Variants in NELL2 observed in about 807,000 individuals in gnomAD.
NELL2 encodes the protein neural EGFL like 2.
A neutral mutation model predicts 109.6 loss-of-function variants in NELL2; 41 were observed. The observed-to-expected ratio is 0.37, with a 90% confidence interval of 0.29 to 0.49. The LOEUF (loss-of-function observed/expected upper bound fraction) is 0.49, where lower values mean the gene tolerates loss of function less well. NELL2 is among the 20% of genes least tolerant of loss of function. The probability of loss-of-function intolerance (pLI) is 0.98; values close to 1 mark genes in which losing one functional copy is unlikely to be tolerated. For missense variants in NELL2, 900 were observed against 1,008.3 expected (o/e 0.89, Z 1.45); for synonymous variants, 355 against 344.7 (o/e 1.03, Z -0.33).
At chr12:44,687,075 C>A (rs1383794293) in intron 12 of NELL2, among the ~76,000 whole-genome samples, 3 of 152,184 alleles carry the variant, frequency 2.0e-5, no homozygotes, top group African/African-American at 7.2e-5. Flanking sequence ...GGCATAGGAC[C>A]CTCCGAGCCA....
intron 9 of NELL2, among the ~76,000 whole-genome samples, chr12:44,736,201 G>C (rs577780149): frequency 3.3e-5 from 5 of 151,616 alleles, no homozygotes; most frequent in African/African-American, 4.9e-5. Context: ...AGTAGAGACG[G>C]GGTTTCACCG....
intron 15 of NELL2, among the ~76,000 whole-genome samples, chr12:44,588,462 C>A (rs907185374): frequency 3.3e-5 from 5 of 151,884 alleles, no homozygotes; most frequent in Admixed American, 3.3e-4. Context: ...AAATGACGTC[C>A]ACTGGCTTAG....
chr12:44,518,201 T>C (rs147260792), intron 19 of NELL2, among the ~76,000 whole-genome samples: 2 of 152,078 alleles, frequency 1.3e-5, no homozygotes, highest in African/African-American at 4.8e-5. Flanking sequence ...TGAGAGATTA[T>C]AGTAGTTGTT....
chr12:44,684,987 C>G (rs1948665304), intron 12 of NELL2, among the ~76,000 whole-genome samples: 1 of 152,014 alleles, frequency 6.6e-6, no homozygotes, highest in South Asian at 2.1e-4. Flanking sequence ...GACTTTCTGT[C>G]TCGTTGATCT....
intron 2 of NELL2, among the ~76,000 whole-genome samples, chr12:44,846,963 C>T (rs766059389): frequency 1.3e-4 from 20 of 152,228 alleles, no homozygotes; most frequent in Non-Finnish European, 2.1e-4. Flanking sequence ...AGCCACAGGA[C>T]TTCTGAAAGT....
chr12:44,673,349 A>G (rs1335937046), intron 12 of NELL2, among the ~76,000 whole-genome samples: 1 of 152,180 alleles, frequency 6.6e-6, no homozygotes, highest in Non-Finnish European at 1.5e-5. Flanking sequence ...AACCTAATAT[A>G]AGTCAAATTC....
chr12:44,515,119 A>G (rs1044125280), intron 19 of NELL2, among the ~76,000 whole-genome samples: 4 of 151,830 alleles, frequency 2.6e-5, no homozygotes, highest in Non-Finnish European at 4.4e-5. Context: ...AAATGACAAA[A>G]TGGTAGTCCT....
chr12:44,516,530 A>C (rs1168460563), intron 19 of NELL2, among the ~76,000 whole-genome samples: 7 of 152,230 alleles, frequency 4.6e-5, no homozygotes, highest in Non-Finnish European at 1.0e-4. Context: ...ATAATTATTT[A>C]TAATTTTAGT....
intron 9 of NELL2, among the ~76,000 whole-genome samples, chr12:44,755,802 T>C (rs1251182222): frequency 6.6e-6 from 1 of 152,220 alleles, no homozygotes; most frequent in African/African-American, 2.4e-5. Flanking sequence ...GTCTCAAAGT[T>C]TAGTTAGTTT....
At chr12:44,903,163 C>T (rs892739986) in intron 1 of NELL2, among the ~76,000 whole-genome samples, 1 of 151,960 alleles carries the variant, frequency 6.6e-6, no homozygotes, top group African/African-American at 2.4e-5. Context: ...GGCTAATATC[C>T]AGAAGCTACA....
intron 13 of NELL2, among the ~76,000 whole-genome samples, chr12:44,613,744 A>G (rs1023731595): frequency 2.0e-5 from 3 of 152,102 alleles, no homozygotes; most frequent in African/African-American, 4.8e-5. Context: ...AATCCTTCAC[A>G]AAAACAGAAT....
chr12:44,911,380 CAT>C (rs1364273460), intron 1 of NELL2, among the ~76,000 whole-genome samples: 1 of 151,860 alleles, frequency 6.6e-6, no homozygotes, highest in Non-Finnish European at 1.5e-5. Flanking sequence ...AAAGAAATAA[CAT>C]ATATTTCTCG....
At position 44,563,536 on chromosome 12, in the gene NELL2, C is replaced by T. The variant is rs184282645; in HGVS notation, c.1664-30815G>A. On this transcript the variant is annotated intron_variant, in intron 15 of 19. Transcript: ENST00000429094. Reference sequence around the variant, plus strand: ...TAGTTTTTTGGGGAAAGGGTGGCACCGCTTAGCTAAAGAGTGAGTCTAATT... The same window carrying T: ...TAGTTTTTTGGGGAAAGGGTGGCACTGCTTAGCTAAAGAGTGAGTCTAATT... 1.3e-4 allele frequency among the ~76,000 whole-genome samples: 20 copies of T among 152,134 alleles called. No homozygotes were observed. The East Asian group carries it at 3.1e-3, about 23-fold the overall frequency.
intron 9 of NELL2, among the ~76,000 whole-genome samples, chr12:44,749,665 G>A (rs1044340631): frequency 6.6e-6 from 1 of 152,120 alleles, no homozygotes; most frequent in African/African-American, 2.4e-5. Context: ...TAGCTAACAC[G>A]AATAATGAAG....
upstream of NELL2, among the ~76,000 whole-genome samples, chr12:44,915,363 T>G (rs779000217): frequency 1.1e-4 from 16 of 152,196 alleles, no homozygotes; most frequent in Non-Finnish European, 2.4e-4. Flanking sequence ...TTTCATTGCT[T>G]TCTAATTGAA....
At chr12:44,921,724 A>G (rs1317591906) in intron 1 of NELL2, 2 of 152,216 alleles carry the variant, frequency 1.3e-5, no homozygotes, top group Non-Finnish European at 2.9e-5. Context: ...GATAGCATAC[A>G]GCAGACAATA....
chr12:44,710,364 T>G (rs1313293100), intron 11 of NELL2, among the ~76,000 whole-genome samples: 1 of 152,158 alleles, frequency 6.6e-6, no homozygotes, highest in Admixed American at 6.6e-5. Flanking sequence ...CAGCACCAAT[T>G]ACATCAGTTA....
intron 19 of NELL2, among the ~76,000 whole-genome samples, chr12:44,519,192 C>T (rs950996813): frequency 3.3e-5 from 5 of 152,174 alleles, no homozygotes; most frequent in East Asian, 1.9e-4. Context: ...AAATCTGACA[C>T]GTCTGCTATT....
intron 2 of NELL2, among the ~76,000 whole-genome samples, chr12:44,827,498 G>A (rs1172120652): frequency 7.0e-6 from 1 of 143,412 alleles, no homozygotes; most frequent in Non-Finnish European, 1.5e-5. Flanking sequence ...CCTCTGGTAA[G>A]CATCCTTCTA....
Sources: allele counts gnomAD v4.1 joint callset (sites outside exome capture counted in the v4.1 genomes callset), GRCh38; gene constraint gnomAD v4.1.1; transcripts MANE v1.5; gene names NCBI Gene and HGNC (gene_info 2026-07-23, HGNC 2026-07-21).